SHANK2: variants seen among roughly 807,000 people sequenced by gnomAD.
The protein encoded by SHANK2 is SH3 and multiple ankyrin repeat domains protein 2.
In SHANK2, 43 loss-of-function variants were observed where a neutral mutation model predicts 133.7. That is an observed-to-expected ratio of 0.32 (90% CI 0.25 to 0.41). SHANK2 has a LOEUF of 0.41. SHANK2 is among the 10% of genes least tolerant of loss of function. The pLI, the probability that SHANK2 is intolerant of heterozygous loss-of-function variation, is 1.00. For missense variants in SHANK2, 1,994 were observed against 2,235.8 expected (o/e 0.89, Z 2.18); for synonymous variants, 1,017 against 952.8 (o/e 1.07, Z -1.24).
Position 71,210,235 on chromosome 11 carries a change from TA to T in SHANK2, c.-13+14461del, listed in dbSNP as rs1565516691. ...GTATATATATATATATATATATATATATATATATATATATATATTTATTTAT... is the reference window on the plus strand; with the variant it reads ...GTATATATATATATATATATATATATTATATATATATATATATTTATTTAT... On this transcript the variant is annotated intron_variant, in intron 2 of 25. Coordinates refer to ENST00000601538, the MANE Select transcript of SHANK2 (RefSeq NM_012309.5). Among the ~76,000 whole-genome samples, 102 of 103,076 alleles carry T rather than the reference TA, an allele frequency of 9.9e-4. 8 individuals are homozygous for T. The highest frequency in any genetic ancestry group is 4.2e-3 in the African/African-American group (84 of 19,800). The allele number at this position is 103,076 out of a possible 152,430, so 67.6% of individuals were successfully genotyped here.
At chr11:70,755,370 C>T (rs1409215199) in intron 14 of SHANK2, among the ~76,000 whole-genome samples, 3 of 152,260 alleles carry the variant, frequency 2.0e-5, no homozygotes, top group Non-Finnish European at 4.4e-5. Flanking sequence ...CTGCGCCCAG[C>T]GCGCAGGCAG....
At chr11:70,608,786 T>C (rs371053173) in intron 17 of SHANK2, among the ~76,000 whole-genome samples, 6 of 152,190 alleles carry the variant, frequency 3.9e-5, no homozygotes, top group East Asian at 1.9e-4. Flanking sequence ...GATCAGAGAA[T>C]TGATCTCAAA....
intron 11 of SHANK2, among the ~76,000 whole-genome samples, chr11:70,859,669 C>T (rs1228749425): frequency 6.6e-6 from 1 of 152,190 alleles, no homozygotes; most frequent in African/African-American, 2.4e-5. Context: ...ACTGAAGACA[C>T]AGAACCAGCA....
intron 17 of SHANK2, among the ~76,000 whole-genome samples, chr11:70,622,797 C>T (rs560269624): frequency 7.9e-5 from 12 of 152,134 alleles, no homozygotes; most frequent in African/African-American, 2.7e-4. Flanking sequence ...AGTCTCCGAA[C>T]GGAAGTCAAA....
At chr11:70,563,669 G>A (rs2059935633) in intron 17 of SHANK2, among the ~76,000 whole-genome samples, 1 of 151,548 alleles carries the variant, frequency 6.6e-6, no homozygotes, top group Non-Finnish European at 1.5e-5. Flanking sequence ...CTCCTGAGTA[G>A]TTGGCATTAC....
intron 17 of SHANK2, among the ~76,000 whole-genome samples, chr11:70,541,544 C>T (rs1434220077): frequency 6.6e-6 from 1 of 152,102 alleles, no homozygotes; most frequent in Non-Finnish European, 1.5e-5. Flanking sequence ...CACCAGAGAC[C>T]TCTGGGCAGG....
Position 70,917,789 on chromosome 11 carries a change from G to A in SHANK2, c.1108-21222C>T, listed in dbSNP as rs117375303. ...AAATACAGCATGTTCTCATTTATCA[G>A]TGGGAACTAAATGTTAAGAACACAT... is the stretch of plus-strand genomic sequence containing the variant. On this transcript the variant is annotated intron_variant, in intron 10 of 25. Coordinates refer to ENST00000601538, the MANE Select transcript of SHANK2 (RefSeq NM_012309.5). Among the ~76,000 whole-genome samples the A allele has an allele frequency of 3.9e-3, 595 of 152,300 alleles. 2 individuals are homozygous for A. The highest frequency in any genetic ancestry group is 5.6e-3 in the Non-Finnish European group (378 of 68,030).
intron 9 of SHANK2, among the ~76,000 whole-genome samples, chr11:71,066,005 TC>T (rs1951052249): frequency 9.7e-6 from 1 of 103,176 alleles, no homozygotes; most frequent in Non-Finnish European, 1.8e-5. Flanking sequence ...TACAGAACTC[TC>T]CCAGGGAGAT....
intron 17 of SHANK2, among the ~76,000 whole-genome samples, chr11:70,623,328 C>T (rs1436577587): frequency 2.8e-5 from 4 of 143,844 alleles, no homozygotes; most frequent in South Asian, 2.3e-4. Context: ...CCGAGGTTGC[C>T]GACCTTCCCT....
intron 11 of SHANK2, among the ~76,000 whole-genome samples, chr11:70,893,623 AC>A (rs1949886360): frequency 3.3e-5 from 5 of 152,046 alleles, no homozygotes; most frequent in South Asian, 2.1e-4. Context: ...ATAATCACGA[AC>A]CCTTAGATGA....
At position 70,804,586 on chromosome 11, in the gene SHANK2, T is replaced by C. The variant is rs1555051444; in HGVS notation, c.1663+2416A>G. On this transcript the variant is annotated intron_variant, in intron 13 of 25. Coordinates refer to ENST00000601538, the MANE Select transcript of SHANK2 (RefSeq NM_012309.5). The surrounding 1 kb of genome is among the most constrained non-coding windows in gnomAD (Gnocchi z 4.1). ...CTGGTCATGTTTGAGGAGGTGCTGC[T>C]GGGTTCCAGTGTGCTGGGGAGGGGC... Among the ~76,000 whole-genome samples the C allele has an allele frequency of 6.6e-6, 1 of 152,080 alleles. No homozygotes were observed. Among genetic ancestry groups the C allele is most frequent in the Admixed American group, 6.5e-5 (1 of 15,284 alleles).
chr11:70,559,915 A>C (rs1174999893), intron 17 of SHANK2, among the ~76,000 whole-genome samples: 1 of 152,098 alleles, frequency 6.6e-6, no homozygotes, highest in Non-Finnish European at 1.5e-5. Context: ...TCTGTTGCCC[A>C]GGCTGGAGCA....
chr11:71,086,051 TATATA>T (rs1424502571), intron 8 of SHANK2, among the ~76,000 whole-genome samples: 3 of 81,898 alleles, frequency 3.7e-5, no homozygotes, highest in South Asian at 4.5e-4. Flanking sequence ...TATAATATGT[TATATA>T]ATATATTATA....
At chr11:70,708,401 C>G (rs578089130) in intron 14 of SHANK2, among the ~76,000 whole-genome samples, 2 of 152,230 alleles carry the variant, frequency 1.3e-5, no homozygotes, top group African/African-American at 4.8e-5. Flanking sequence ...CCTCCAATCT[C>G]TAAACATTGG....
chr11:71,113,421 C>G, intron 4 of SHANK2, 57 bp from the exon 5 acceptor site: 1 of 1,496,876 alleles, frequency 6.7e-7, no homozygotes. Context: ...CAGAGTTGTT[C>G]AGAGGGAAAA....
intron 10 of SHANK2, among the ~76,000 whole-genome samples, chr11:70,934,077 A>G (rs1950537826): frequency 6.6e-6 from 1 of 151,494 alleles, no homozygotes; most frequent in African/African-American, 2.4e-5. Flanking sequence ...CAAAATATCA[A>G]AAGAATTAGT....
intron 2 of SHANK2, among the ~76,000 whole-genome samples, chr11:71,211,832 T>A (rs1954289562): frequency 6.6e-6 from 1 of 152,176 alleles, no homozygotes; most frequent in Non-Finnish European, 1.5e-5. Flanking sequence ...TTTTTTTCAC[T>A]TCTTTTGAGA....
intron 17 of SHANK2, among the ~76,000 whole-genome samples, chr11:70,595,573 C>G (rs560830300): frequency 6.6e-6 from 1 of 152,272 alleles, no homozygotes; most frequent in South Asian, 2.1e-4. Context: ...GCCCCTGTCA[C>G]AGGAGAGGTG....
At position 70,469,638 on chromosome 11, in the gene SHANK2, A is replaced by C. The variant is rs1376182685; in HGVS notation, c.*3231T>G. 2 of 152,598 alleles carry C rather than the reference A, an allele frequency of 1.3e-5. No homozygotes were observed. The highest frequency in any genetic ancestry group is 2.9e-5 in the Non-Finnish European group (2 of 68,038). 9.5% of individuals were successfully genotyped at this position (152,598 alleles called of 1,614,324 possible). On this transcript the variant is annotated 3_prime_UTR_variant, in exon 26 of 26. Coordinates refer to ENST00000601538, the MANE Select transcript of SHANK2 (RefSeq NM_012309.5). ...TAGTGTGAAACATATTAGTATTTAA[A>C]AAACAAAAAAAAATTGTTAATGGGA...
Sources: allele counts gnomAD v4.1 joint callset (sites outside exome capture counted in the v4.1 genomes callset), GRCh38; gene constraint gnomAD v4.1.1; non-coding constraint Gnocchi (gnomAD v3.1); transcripts MANE v1.5; gene names NCBI Gene and HGNC (gene_info 2026-07-23, HGNC 2026-07-21).